Variants in SAXO1 observed in about 807,000 individuals in gnomAD.
SAXO1 encodes the protein 4930500O09Rik.
In SAXO1, 21 loss-of-function variants were observed where a neutral mutation model predicts 17.5. That is an observed-to-expected ratio of 1.20 (90% CI 0.85 to 1.72). The LOEUF (loss-of-function observed/expected upper bound fraction) is 1.72, where lower values mean the gene tolerates loss of function less well. Among genes scored for constraint, SAXO1 ranks in the 40% most tolerant of loss-of-function variants. SAXO1 has a pLI of 0.00. For synonymous variants in SAXO1, 274 were observed against 216.5 expected (o/e 1.27, Z -2.33); for missense variants, 843 against 596.0 (o/e 1.41, Z -4.32).
At chr9:18,990,302 AC>A (rs1245171468) in intron 1 of SAXO1, among the ~76,000 whole-genome samples, 1 of 152,200 alleles carries the variant, frequency 6.6e-6, no homozygotes, top group Non-Finnish European at 1.5e-5. Context: ...TAAAATGGCA[AC>A]CTCAGAGAGA....
intron 1 of SAXO1, among the ~76,000 whole-genome samples, chr9:18,963,141 C>T (rs111264633): frequency 0.038 from 5,774 of 152,228 alleles, 140 homozygotes; most frequent in Middle Eastern, 0.088. Flanking sequence ...GGCCTCTGTT[C>T]TTTTCCATTT....
intron 1 of SAXO1, chr9:19,028,234 G>A: frequency 2.3e-6 from 2 of 863,440 alleles, no homozygotes; most frequent in Non-Finnish European, 3.6e-6. Flanking sequence ...AAATTAGCCG[G>A]CCGTAGTGGC....
intron 1 of SAXO1, among the ~76,000 whole-genome samples, chr9:19,015,679 A>G (rs1354818580): frequency 6.9e-6 from 1 of 144,006 alleles, no homozygotes; most frequent in East Asian, 2.1e-4. Context: ...GAGTATCACT[A>G]TGTGGCCCAG....
chr9:18,975,557 G>T (rs1833113407), intron 1 of SAXO1, among the ~76,000 whole-genome samples: 2 of 152,314 alleles, frequency 1.3e-5, no homozygotes, highest in African/African-American at 4.8e-5. Context: ...ATTTGCACTT[G>T]TGTAACAAAG....
At position 18,938,850 on chromosome 9, in the gene SAXO1, GTGTA is replaced by G. The variant is rs1314575387; in HGVS notation, c.421+2783_421+2786del. On this transcript the variant is annotated intron_variant, in intron 3 of 3. Coordinates refer to ENST00000380534, the MANE Select transcript of SAXO1 (RefSeq NM_153707.4). ...TGTGTGTGTGTGTGTGTGTGTGTGT[GTGTA>G]TGTGTGTGTGTGTTGAGCGGTAAGT... Among the ~76,000 whole-genome samples the G allele has an allele frequency of 3.3e-5, 5 of 149,670 alleles. No homozygotes were observed. The East Asian group carries it at 8.0e-4, about 24-fold the overall frequency.
intron 1 of SAXO1, among the ~76,000 whole-genome samples, chr9:18,963,468 T>C (rs1311293039): frequency 1.3e-5 from 2 of 152,220 alleles, no homozygotes; most frequent in Non-Finnish European, 2.9e-5. Context: ...TTGTGTCCTC[T>C]ATTTCCTTGA....
At chr9:19,010,142 TAAAA>T (rs111620008) in intron 1 of SAXO1, among the ~76,000 whole-genome samples, 1 of 117,230 alleles carries the variant, frequency 8.5e-6, no homozygotes, top group South Asian at 2.6e-4. Flanking sequence ...ATTTTTAATC[TAAAA>T]AAAAACAACA....
intron 1 of SAXO1, among the ~76,000 whole-genome samples, chr9:19,009,511 C>G (rs1245393793): frequency 6.6e-6 from 1 of 152,124 alleles, no homozygotes; most frequent in African/African-American, 2.4e-5. Flanking sequence ...GCTGCAGATG[C>G]TTTTTGGGCT....
chr9:19,028,348 C>T (rs889100540), intron 1 of SAXO1, among the ~76,000 whole-genome samples: 2 of 152,120 alleles, frequency 1.3e-5, no homozygotes, highest in African/African-American at 4.8e-5. Context: ...TGCACTCCAG[C>T]CTGGGCAACA....
At chr9:18,992,734 A>G (rs1406051931) in intron 1 of SAXO1, among the ~76,000 whole-genome samples, 1 of 151,994 alleles carries the variant, frequency 6.6e-6, no homozygotes, top group Non-Finnish European at 1.5e-5. Context: ...GGAGATGACT[A>G]CGATCTCATG....
chr9:18,946,292 A>G (rs1430629504), intron 2 of SAXO1, among the ~76,000 whole-genome samples: 1 of 150,648 alleles, frequency 6.6e-6, no homozygotes, highest in African/African-American at 2.4e-5. Context: ...AAAAAAAAAA[A>G]AAAAAAAAAA....
chr9:19,021,677 G>A (rs1835238866), intron 1 of SAXO1, among the ~76,000 whole-genome samples: 2 of 152,246 alleles, frequency 1.3e-5, no homozygotes, highest in South Asian at 4.1e-4. Context: ...GTCATAGTGA[G>A]AGGTGAAGCC....
intron 1 of SAXO1, among the ~76,000 whole-genome samples, chr9:18,965,966 T>C (rs1318561355): frequency 3.3e-5 from 5 of 152,202 alleles, no homozygotes; most frequent in Non-Finnish European, 7.4e-5. Flanking sequence ...CAGCATTGGC[T>C]TGTCTGTAAA....
intron 1 of SAXO1, among the ~76,000 whole-genome samples, chr9:18,973,576 T>A (rs7871450): frequency 0.74 from 112,204 of 152,094 alleles, 41,603 homozygotes; most frequent in Non-Finnish European, 0.79. Context: ...TAAATGGCCC[T>A]CATGTGCCTG....
At chr9:19,010,393 T>C (rs1011755949) in intron 1 of SAXO1, among the ~76,000 whole-genome samples, 4 of 151,770 alleles carry the variant, frequency 2.6e-5, no homozygotes, top group African/African-American at 4.8e-5. Flanking sequence ...AAATAAAAGA[T>C]AATCCAGGGG....
chr9:18,967,335 G>C (rs890821113), intron 1 of SAXO1, among the ~76,000 whole-genome samples: 13 of 152,200 alleles, frequency 8.5e-5, no homozygotes, highest in Non-Finnish European at 1.8e-4. Flanking sequence ...GTCTGCTGAA[G>C]CTGCATCCAC....
chr9:18,939,307 C>T (rs961701203), intron 3 of SAXO1, among the ~76,000 whole-genome samples: 1 of 152,190 alleles, frequency 6.6e-6, no homozygotes, highest in Admixed American at 6.5e-5. Flanking sequence ...CCCCCAACAC[C>T]CTACCCATGG....
At chr9:19,002,544 C>T (rs1384332540) in intron 1 of SAXO1, among the ~76,000 whole-genome samples, 1 of 152,180 alleles carries the variant, frequency 6.6e-6, no homozygotes, top group Non-Finnish European at 1.5e-5. Flanking sequence ...GCTTATCCAC[C>T]ACAATCAAGT....
chr9:18,932,681 C>T (rs1260303611), intron 3 of SAXO1, among the ~76,000 whole-genome samples: 1 of 152,174 alleles, frequency 6.6e-6, no homozygotes, highest in Non-Finnish European at 1.5e-5. Flanking sequence ...GAATGTCCAT[C>T]ATTTTTGTTC....
Sources: gnomAD v4.1 joint callset for allele counts (sites outside exome capture counted in the v4.1 genomes callset) on GRCh38, gnomAD v4.1.1 for gene constraint, MANE v1.5 for transcripts, NCBI Gene and HGNC (gene_info 2026-07-23, HGNC 2026-07-21) for gene names.